Variants in PKHD1 observed in about 807,000 individuals in gnomAD.
PKHD1 encodes the protein fibrocystin.
In PKHD1, 291 loss-of-function variants were observed where a neutral mutation model predicts 412.0. That is an observed-to-expected ratio of 0.71 (90% confidence interval 0.64 to 0.78). The LOEUF is 0.78. Among genes scored for constraint, PKHD1 ranks in the 30% least tolerant of loss-of-function variants. The pLI, the probability that PKHD1 is intolerant of heterozygous loss-of-function variation, is 0.00. For missense variants in PKHD1, 4,825 were observed against 4,950.7 expected (o/e 0.97, Z 0.76); for synonymous variants, 1,777 against 1,821.5 (o/e 0.98, Z 0.62).
At chr6:52,050,453 G>A (rs970818599) in intron 21 of PKHD1, among the ~76,000 whole-genome samples, 158 bp from the exon 22 acceptor site, 2 of 152,204 alleles carry the variant, frequency 1.3e-5, no homozygotes, top group Non-Finnish European at 2.9e-5. Context: ...TGGAGAGGAC[G>A]CAGGAGGATA....
chr6:51,796,750 A>G (rs1794673695), intron 52 of PKHD1, among the ~76,000 whole-genome samples: 1 of 149,914 alleles, frequency 6.7e-6, no homozygotes, highest in South Asian at 2.1e-4. Context: ...TAATTTCATT[A>G]TTTACTCAAG....
Position 51,947,736 on chromosome 6 carries a change from C to T in PKHD1, c.5908+12134G>A, listed in dbSNP as rs186731730. 5.3e-5 allele frequency among the ~76,000 whole-genome samples: 8 copies of T among 152,250 alleles called. No individual in the cohort carries two copies. In the East Asian group the frequency reaches 1.5e-3, roughly 29 times the overall value. ...CTGTAGACCATGCCAGTTGTCCCAT[C>T]TTGTCTTAAGGTTTTAAACACCATC... is the stretch of plus-strand genomic sequence containing the variant. On this transcript the variant is annotated intron_variant, in intron 36 of 66. Coordinates refer to ENST00000371117, the MANE Select transcript of PKHD1 (RefSeq NM_138694.4).
At chr6:51,754,733 A>G in intron 56 of PKHD1, 51 bp downstream of exon 56, 6 of 1,530,862 alleles carry the variant, frequency 3.9e-6, no homozygotes, top group Middle Eastern at 1.7e-4. Flanking sequence ...GTTACCAAAC[A>G]TGGTCTTCCT....
intron 43 of PKHD1, among the ~76,000 whole-genome samples, chr6:51,898,196 A>T (rs529132883): frequency 6.6e-6 from 1 of 152,110 alleles, no homozygotes; most frequent in African/African-American, 2.4e-5. Flanking sequence ...TCCACCTCAA[A>T]TCAACAGAAT....
chr6:51,677,515 T>C (rs941625719), intron 60 of PKHD1, among the ~76,000 whole-genome samples: 3 of 152,210 alleles, frequency 2.0e-5, no homozygotes, highest in African/African-American at 7.2e-5. Context: ...TCATAGGATC[T>C]GTCACAATTT....
chr6:51,998,296 AT>A (rs1163304677), intron 35 of PKHD1, among the ~76,000 whole-genome samples: 1 of 152,092 alleles, frequency 6.6e-6, no homozygotes, highest in African/African-American at 2.4e-5. Context: ...TACAAGTCCT[AT>A]GGCCCTATCA....
At chr6:51,683,590 C>A (rs1490427243) in intron 60 of PKHD1, among the ~76,000 whole-genome samples, 1 of 152,084 alleles carries the variant, frequency 6.6e-6, no homozygotes, top group African/African-American at 2.4e-5. Context: ...TACTTCAGGA[C>A]CATCTCTTCA....
In PKHD1 at chr6:52,084,873, T is replaced by A; in HGVS notation, c.52+9A>T. On this transcript the variant is annotated intron_variant, in intron 2 of 66. Coordinates refer to ENST00000371117, the MANE Select transcript of PKHD1 (RefSeq NM_138694.4). ...TACCTATAATTCCTTCAAAACACAT[T>A]CTACTGACCTGCCAAAAGTAGTACT... 1 of 1,566,440 alleles carries A rather than the reference T, an allele frequency of 6.4e-7. No individual in the cohort carries two copies. The highest frequency in any genetic ancestry group is 8.8e-7 in the Non-Finnish European group (1 of 1,136,672).
chr6:51,858,982 G>A (rs996660408), intron 48 of PKHD1, among the ~76,000 whole-genome samples: 1 of 152,106 alleles, frequency 6.6e-6, no homozygotes, highest in African/African-American at 2.4e-5. Context: ...ATAGTCAGTG[G>A]TCAGAAAACC....
chr6:51,627,481 T>C (rs1019036826), intron 65 of PKHD1, among the ~76,000 whole-genome samples: 1 of 151,940 alleles, frequency 6.6e-6, no homozygotes, highest in Non-Finnish European at 1.5e-5. Context: ...ATTCTTGATA[T>C]ATTATGTTAA....
intron 4 of PKHD1, 77 bp from the exon 5 acceptor site, chr6:52,080,085 A>T (rs1470229251): frequency 1.2e-6 from 1 of 846,330 alleles, no homozygotes; most frequent in African/African-American, 1.7e-5. Context: ...TGCCACTTCA[A>T]ATTTCCTCCT....
intron 25 of PKHD1, among the ~76,000 whole-genome samples, chr6:52,043,934 A>C (rs1805352524): frequency 6.6e-6 from 1 of 152,214 alleles, no homozygotes; most frequent in South Asian, 2.1e-4. Context: ...GATGGTGGAC[A>C]TGCTGAACCC....
At chr6:51,723,969 G>A (rs541227248) in intron 60 of PKHD1, among the ~76,000 whole-genome samples, 160 of 152,282 alleles carry the variant, frequency 1.1e-3, no homozygotes, top group African/African-American at 3.7e-3. Context: ...GTGTAGAAAG[G>A]TATTTGCTCT....
chr6:52,030,147 A>T (rs1802822169), intron 29 of PKHD1, among the ~76,000 whole-genome samples: 1 of 152,198 alleles, frequency 6.6e-6, no homozygotes, highest in Non-Finnish European at 1.5e-5. Flanking sequence ...GGCCAATTAG[A>T]TGAAGAGGAA....
chr6:51,835,881 G>C (rs1458887110), intron 51 of PKHD1, among the ~76,000 whole-genome samples: 2 of 152,202 alleles, frequency 1.3e-5, no homozygotes, highest in Non-Finnish European at 2.9e-5. Context: ...CAAATGTATA[G>C]TTAAATTGAC....
chr6:51,622,260 G>A (rs1209842886), intron 66 of PKHD1: 1 of 152,058 alleles, frequency 6.6e-6, no homozygotes, highest in Non-Finnish European at 1.5e-5. Flanking sequence ...AATTTGTGTG[G>A]GTACTAGTCA....
chr6:51,812,458 T>G (rs891077416), intron 52 of PKHD1, among the ~76,000 whole-genome samples: 17 of 152,104 alleles, frequency 1.1e-4, no homozygotes, highest in African/African-American at 3.9e-4. Flanking sequence ...CAGACATACC[T>G]CATTATACAT....
chr6:52,059,541 A>G (rs1380423644), intron 15 of PKHD1, among the ~76,000 whole-genome samples: 1 of 151,586 alleles, frequency 6.6e-6, no homozygotes, highest in Admixed American at 6.6e-5. Context: ...GAGCCACCAC[A>G]CCTGGCCCAC....
At chr6:51,981,842 T>C (rs1795367077) in intron 35 of PKHD1, among the ~76,000 whole-genome samples, 1 of 116,134 alleles carries the variant, frequency 8.6e-6, no homozygotes, top group East Asian at 2.4e-4. Flanking sequence ...GGAGCGTCTC[T>C]GCCCGGCTGC....
Sources: gnomAD v4.1 joint callset for allele counts (sites outside exome capture counted in the v4.1 genomes callset) on GRCh38, gnomAD v4.1.1 for gene constraint, MANE v1.5 for transcripts, NCBI Gene and HGNC (gene_info 2026-07-23, HGNC 2026-07-21) for gene names.